ZNF366: variants seen among roughly 807,000 people sequenced by gnomAD.
The protein encoded by ZNF366 is dendritic cell-specific transcript protein.
ZNF366 carries 20 observed loss-of-function variants against 47.2 expected under a neutral mutation model. The observed-to-expected ratio is 0.42, with a 90% confidence interval of 0.30 to 0.62. ZNF366 has a LOEUF of 0.62. ZNF366 is among the 20% of genes least tolerant of loss of function. The probability of loss-of-function intolerance (pLI) is 0.16; values close to 1 mark genes in which losing one functional copy is unlikely to be tolerated. For missense variants in ZNF366, 987 were observed against 976.3 expected, an observed-to-expected ratio of 1.01 and a Z score of -0.15; for synonymous variants, 421 against 395.1, an observed-to-expected ratio of 1.07 and a Z score of -0.78.
chr5:72,453,193 A>T (rs771204127), intron 3 of ZNF366, among the ~76,000 whole-genome samples: 1 of 152,154 alleles, frequency 6.6e-6, no homozygotes, highest in African/African-American at 2.4e-5. Flanking sequence ...AGGAGGAAGG[A>T]TGCATGTTAA....
chr5:72,478,990 T>C (rs1052783048), intron 1 of ZNF366, among the ~76,000 whole-genome samples: 1 of 152,248 alleles, frequency 6.6e-6, no homozygotes, highest in Non-Finnish European at 1.5e-5. Context: ...CTCCCTGTTT[T>C]CCTCCAAGAG....
intron 1 of ZNF366, among the ~76,000 whole-genome samples, chr5:72,483,868 A>G (rs534026156): frequency 2.6e-5 from 4 of 152,318 alleles, no homozygotes. Context: ...CTGTACCATG[A>G]GGGATACACA....
intron 2 of ZNF366, among the ~76,000 whole-genome samples, chr5:72,456,911 T>C (rs1008774067): frequency 5.9e-5 from 9 of 152,150 alleles, no homozygotes; most frequent in African/African-American, 2.2e-4. Flanking sequence ...AACAGGCTTT[T>C]AGTAAGAGCA....
intron 1 of ZNF366, among the ~76,000 whole-genome samples, chr5:72,485,108 G>T (rs181897010): frequency 1.6e-4 from 23 of 142,866 alleles, no homozygotes; most frequent in African/African-American, 4.7e-4. Flanking sequence ...CAAAAATTTA[G>T]TAAAAAAACA....
At chr5:72,472,620 T>G (rs1743593331) in intron 1 of ZNF366, 1 of 946,836 alleles carries the variant, frequency 1.1e-6, no homozygotes. Flanking sequence ...TAAAGAAGAA[T>G]CGGTTAGAAA....
chr5:72,483,787 C>A lies in ZNF366; in HGVS notation c.-14-22277G>T, dbSNP rs756160006. On this transcript the variant is annotated intron_variant, in intron 1 of 4. Coordinates refer to ENST00000318442, the MANE Select transcript of ZNF366 (RefSeq NM_152625.3). ...TTTAAACTGTGATGGGAATGATGGG[C>A]CTGGGGCTTCATCCCACTGGAGTAT... is the stretch of plus-strand genomic sequence containing the variant. Among the ~76,000 whole-genome samples the A allele has an allele frequency of 4.1e-4, 62 of 152,226 alleles. 1 individual carries two copies. Among genetic ancestry groups the A allele is most frequent in the South Asian group, 1.0e-3 (5 of 4,812 alleles).
At position 72,443,706 on chromosome 5, in the gene ZNF366, T is replaced by G. The variant is rs757290919; in HGVS notation, c.*50A>C. On this transcript the variant is annotated 3_prime_UTR_variant, in exon 5 of 5. Coordinates refer to ENST00000318442, the MANE Select transcript of ZNF366 (RefSeq NM_152625.3). ...ATGACAGTTCATGCAGAAAGCTATA[T>G]TTGAACTGCCTCCTTCTCATTTTCC... 2.6e-5 allele frequency: 41 copies of G among 1,553,404 alleles called. No individual in the cohort carries two copies. The highest frequency in any genetic ancestry group is 3.5e-5 in the Non-Finnish European group (40 of 1,149,152).
chr5:72,481,892 G>A (rs1405597416), intron 1 of ZNF366, among the ~76,000 whole-genome samples: 2 of 152,160 alleles, frequency 1.3e-5, no homozygotes, highest in African/African-American at 2.4e-5. Context: ...ATTATAGAAT[G>A]TTTAGTGCAT....
intron 1 of ZNF366, among the ~76,000 whole-genome samples, chr5:72,469,406 T>C (rs1389349222): frequency 3.3e-5 from 5 of 152,206 alleles, no homozygotes; most frequent in Non-Finnish European, 7.3e-5. Flanking sequence ...ACGTCGATAT[T>C]AAAAGTGTAT....
chr5:72,489,000 C>G (rs1478336063), intron 1 of ZNF366, among the ~76,000 whole-genome samples: 3 of 152,208 alleles, frequency 2.0e-5, no homozygotes, highest in Non-Finnish European at 4.4e-5. Context: ...AGGCATGGCA[C>G]ATGACTTGCT....
At chr5:72,497,583 A>G (rs1296869978) in intron 1 of ZNF366, among the ~76,000 whole-genome samples, 1 of 152,142 alleles carries the variant, frequency 6.6e-6, no homozygotes, top group Non-Finnish European at 1.5e-5. Flanking sequence ...TTTCTGTCCA[A>G]ATAATGCTGT....
At chr5:72,471,572 G>A (rs143603612) in intron 1 of ZNF366, among the ~76,000 whole-genome samples, 10 of 152,216 alleles carry the variant, frequency 6.6e-5, no homozygotes, top group African/African-American at 1.7e-4. Flanking sequence ...TTTATGGAGG[G>A]GCCGTTCCCA....
In ZNF366 at chr5:72,460,905, A is replaced by G. The variant is rs1743294941; in HGVS notation, c.592T>C (p.Phe198Leu). 2 of 1,612,852 alleles carry G rather than the reference A, an allele frequency of 1.2e-6. No homozygotes were observed. Among genetic ancestry groups the G allele is most frequent in the African/African-American group, 2.7e-5 (2 of 74,920 alleles). The change falls in exon 2 of 5, where the codon TTC becomes CTC. Residue 198 changes from phenylalanine (F) to leucine (L), a missense_variant. Physicochemically the swap from Phe to Leu is conservative, Grantham distance 22. This residue lies in a region of ZNF366 where 591 missense variants were observed against 560.9 expected (regional missense o/e 1.05). Transcript: ENST00000318442. ...FFVPSSSPFP[F>L]SRHTFLPKQP... is the part of the protein sequence containing the mutation. ...TTGGGCAGGAAGGTGTGCCGGCTGA[A>G]GGGGAAGGGCGAGGACGAGGGCACG...
At chr5:72,469,778 G>A (rs1487075863) in intron 1 of ZNF366, among the ~76,000 whole-genome samples, 3 of 152,174 alleles carry the variant, frequency 2.0e-5, no homozygotes, top group Non-Finnish European at 4.4e-5. Context: ...TGGCACAGTG[G>A]CTCACGCCTG....
At position 72,454,709 on chromosome 5, in the gene ZNF366, A is replaced by G. The variant is rs902464107; in HGVS notation, c.1524+1695T>C. Among the ~76,000 whole-genome samples the G allele has an allele frequency of 3.9e-5, 6 of 152,332 alleles. 1 individual carries two copies. In the South Asian group the frequency reaches 1.2e-3, roughly 32 times the overall value. The stretch of plus-strand genomic sequence containing the variant: ...TGAAGCCCAAGAGTAAACTCAACAC[A>G]AGGAATGAAGAATGGCAAAGAGACC... On this transcript the variant is annotated intron_variant, in intron 3 of 4. Coordinates refer to ENST00000318442, the MANE Select transcript of ZNF366 (RefSeq NM_152625.3).
chr5:72,460,061 G>C, intron 2 of ZNF366, 104 bp downstream of exon 2: 2 of 1,452,482 alleles, frequency 1.4e-6, no homozygotes, highest in South Asian at 2.8e-5. Flanking sequence ...ACCTCCTCGG[G>C]GTAAGGTGCA....
chr5:72,456,390 G>T lies in ZNF366; in HGVS notation c.1524+14C>A, dbSNP rs1213908321. On this transcript the variant is annotated intron_variant, in intron 3 of 4. Coordinates refer to ENST00000318442, the MANE Select transcript of ZNF366 (RefSeq NM_152625.3). ...TGCACAACCCTCTGGTTCCTCTCTAGTCCCACTGCCCACCTTGCATTTGAA... is the reference window on the plus strand; with the variant it reads ...TGCACAACCCTCTGGTTCCTCTCTATTCCCACTGCCCACCTTGCATTTGAA... The T allele has an allele frequency of 1.3e-6, 2 of 1,591,568 alleles. No individual in the cohort carries two copies. Among genetic ancestry groups the T allele is most frequent in the Non-Finnish European group, 1.7e-6 (2 of 1,163,548 alleles).
chr5:72,458,275 C>T (rs1389935521), intron 2 of ZNF366, among the ~76,000 whole-genome samples: 2 of 152,174 alleles, frequency 1.3e-5, no homozygotes, highest in African/African-American at 4.8e-5. Flanking sequence ...CTCGGCCTCC[C>T]AAAGTGCTGG....
intron 1 of ZNF366, among the ~76,000 whole-genome samples, chr5:72,475,411 GGACCATA>G (rs1283219169): frequency 6.6e-6 from 1 of 152,160 alleles, no homozygotes; most frequent in Non-Finnish European, 1.5e-5. Context: ...AAAGATCATA[GGACCATA>G]GATTTTCTAA....
Sources: gnomAD v4.1 joint callset for allele counts (sites outside exome capture counted in the v4.1 genomes callset) on GRCh38, gnomAD v4.1.1 for gene constraint, gnomAD v4.1.1 regional missense constraint, MANE v1.5 for transcripts, NCBI Gene and HGNC (gene_info 2026-07-23, HGNC 2026-07-21) for gene names.